STAG2: variants seen among roughly 807,000 people sequenced by gnomAD.
The protein encoded by STAG2 is cohesin subunit SA-2.
In STAG2, 14 loss-of-function variants were observed where a neutral mutation model predicts 108.1. That is an observed-to-expected ratio of 0.13 (90% CI 0.09 to 0.20). The LOEUF (loss-of-function observed/expected upper bound fraction) is 0.20. Ranked by LOEUF, STAG2 falls within the 10% of genes least tolerant of loss-of-function variation. The probability of loss-of-function intolerance (pLI) is 1.00; values close to 1 mark genes in which losing one functional copy is unlikely to be tolerated. For missense variants in STAG2, 440 were observed against 940.9 expected (o/e 0.47, Z 6.96); for synonymous variants, 307 against 302.7 (o/e 1.01, Z -0.15).
chrX:123,984,357 A>G (rs1053612061), intron 1 of STAG2, among the ~76,000 whole-genome samples: 2 of 111,839 alleles, frequency 1.8e-5, no homozygotes, highest in Non-Finnish European at 3.8e-5. Flanking sequence ...TTTGCTGAAA[A>G]TAATCATGCA....
intron 5 of STAG2, among the ~76,000 whole-genome samples, chrX:124,032,413 C>T (rs971476359): frequency 9.0e-6 from 1 of 111,353 alleles, no homozygotes; most frequent in African/African-American, 3.3e-5. Flanking sequence ...AAATACAATA[C>T]TCAAGGAGTA....
chrX:124,025,814 T>A, intron 3 of STAG2, 26 bp from the exon 4 acceptor site: 2 of 1,068,138 alleles, frequency 1.9e-6, no homozygotes, highest in Non-Finnish European at 1.3e-6. Flanking sequence ...TAAGGAAGGG[T>A]TTTAATTCTT....
chrX:124,090,637 G>A lies in STAG2; in HGVS notation c.3340G>A (p.Val1114Ile). 4 of 1,211,088 alleles carry A rather than the reference G, an allele frequency of 3.3e-6. No homozygotes were observed. Among genetic ancestry groups the A allele is most frequent in the Non-Finnish European group, 4.5e-6 (4 of 894,981 alleles). ...LSREQTLHTP[V>I]MMQTPQLTST... ...CAGAGAACAAACACTGCACACCCCT[G>A]TTATGATGCAGACACCACAACTCAC... Residue 1114 changes from valine (V) to isoleucine (I), a missense_variant, in exon 31 of 35, where the codon GTT becomes ATT. This residue lies in a region of STAG2 where 337 missense variants were observed against 649.3 expected (regional missense o/e 0.52). Coordinates refer to ENST00000371145, the MANE Select transcript of STAG2 (RefSeq NM_001042750.2).
At chrX:123,964,298 T>A (rs2053999484) in intron 1 of STAG2, among the ~76,000 whole-genome samples, 1 of 110,902 alleles carries the variant, frequency 9.0e-6, no homozygotes, top group Non-Finnish European at 1.9e-5. Flanking sequence ...ACAGGCAACA[T>A]AAATACTTAT....
At chrX:124,084,165 A>C (rs1026967006) in intron 29 of STAG2, among the ~76,000 whole-genome samples, 3 of 111,607 alleles carry the variant, frequency 2.7e-5, no homozygotes, top group Non-Finnish European at 5.6e-5. Flanking sequence ...GATACCTCAT[A>C]TTGTAAATAA....
chrX:124,086,199 T>C (rs187407851), intron 29 of STAG2, among the ~76,000 whole-genome samples: 1 of 111,887 alleles, frequency 8.9e-6, no homozygotes, highest in Non-Finnish European at 1.9e-5. Flanking sequence ...TGAACGTTAG[T>C]TGAATTTTGA....
At position 124,086,426 on chromosome X, in the gene STAG2, A is replaced by C. The variant is rs955838438; in HGVS notation, c.3054-121A>C. On this transcript the variant is annotated intron_variant, in intron 29 of 34. Transcript: ENST00000371145. Reference sequence around the variant, plus strand: ...AATCTTGGCAGAGACAACATTGTTCATTAATGTCCTGTAAGGCTGAGTTTG... The same window carrying C: ...AATCTTGGCAGAGACAACATTGTTCCTTAATGTCCTGTAAGGCTGAGTTTG... The C allele has an allele frequency of 3.6e-5, 18 of 495,209 alleles. No homozygotes were observed. In the African/African-American group the frequency reaches 4.1e-4, roughly 11 times the overall value. 40.8% of individuals were successfully genotyped at this position (495,209 alleles called of 1,213,427 possible). A position where few individuals can be genotyped will look rare whatever the true frequency, so the allele number is the denominator to read the frequency against.
At chrX:124,070,670 G>A (rs1007264044) in intron 24 of STAG2, among the ~76,000 whole-genome samples, 1 of 111,987 alleles carries the variant, frequency 8.9e-6, no homozygotes, top group African/African-American at 3.2e-5. Context: ...AAGTACCATA[G>A]ATTTTGTGAT....
chrX:123,984,556 A>G (rs2055065916), intron 1 of STAG2, among the ~76,000 whole-genome samples: 1 of 111,848 alleles, frequency 8.9e-6, no homozygotes, highest in Admixed American at 9.5e-5. Context: ...GGTGTCTCTA[A>G]TAGTGCCTGA....
intron 23 of STAG2, among the ~76,000 whole-genome samples, chrX:124,068,015 A>G (rs968379532): frequency 9.3e-6 from 1 of 107,827 alleles, no homozygotes; most frequent in African/African-American, 3.3e-5. Context: ...CAGCCTGGGC[A>G]ATAGAGTGAG....
chrX:124,028,046 A>T (rs1340932889), intron 4 of STAG2, among the ~76,000 whole-genome samples: 1 of 111,599 alleles, frequency 9.0e-6, no homozygotes, highest in East Asian at 2.8e-4. Flanking sequence ...ATACAGCTCC[A>T]TGTTAATTAA....
Position 124,090,740 on chromosome X carries a change from A to G in STAG2, c.3443A>G (p.His1148Arg). The change falls in exon 31 of 35, where the codon CAT (histidine) becomes CGT (arginine). Residue 1148 changes from histidine to arginine, a missense_variant. His to Arg is a conservative substitution (Grantham distance 29). Around this residue, in one of 3 missense-constraint regions of STAG2, gnomAD observed 337 missense variants for 649.3 expected, o/e 0.52. Coordinates refer to ENST00000371145, the MANE Select transcript of STAG2 (RefSeq NM_001042750.2). ...AGTGTTTATCCAATGCAGACTGAAC[A>G]TCATCAAACACCTCTTGATTATAAG... is the stretch of plus-strand genomic sequence containing the variant. Reference protein sequence around the residue: ...FMSVYPMQTEHHQTPLDYNTQ... With the variant: ...FMSVYPMQTERHQTPLDYNTQ... The G allele has an allele frequency of 1.7e-6, 2 of 1,210,678 alleles. No individual in the cohort carries two copies. Among genetic ancestry groups the G allele is most frequent in the Non-Finnish European group, 2.2e-6 (2 of 894,600 alleles).
At chrX:123,987,477 A>G (rs759577563) in intron 1 of STAG2, among the ~76,000 whole-genome samples, 27 of 108,012 alleles carry the variant, frequency 2.5e-4, no homozygotes, top group South Asian at 1.2e-3. Context: ...CAAACTCCTG[A>G]TCTCAGGTGA....
intron 5 of STAG2, among the ~76,000 whole-genome samples, chrX:124,036,451 C>T (rs749664130): frequency 9.0e-6 from 1 of 111,728 alleles, no homozygotes; most frequent in Non-Finnish European, 1.9e-5. Flanking sequence ...GTGGTGCGAC[C>T]TCAGCTCACT....
intron 1 of STAG2, among the ~76,000 whole-genome samples, chrX:123,965,321 T>G (rs771880048): frequency 3.1e-4 from 35 of 112,254 alleles, no homozygotes; most frequent in Non-Finnish European, 5.4e-4. Flanking sequence ...TAACACATGA[T>G]GAGTTTGGTA....
intron 32 of STAG2, among the ~76,000 whole-genome samples, chrX:124,091,920 T>C (rs2059259710): frequency 8.9e-6 from 1 of 112,605 alleles, no homozygotes; most frequent in African/African-American, 3.2e-5. Context: ...CTTCATTAGC[T>C]TTGGCTCTAA....
chrX:124,015,707 G>A (rs1280727997), intron 1 of STAG2, among the ~76,000 whole-genome samples: 1 of 112,207 alleles, frequency 8.9e-6, no homozygotes, highest in Admixed American at 9.5e-5. Flanking sequence ...CATCAAAGGG[G>A]CAGTAGTTTT....
chrX:124,061,986 C>G lies in STAG2; in HGVS notation c.1638+112C>G, dbSNP rs2058393698. The G allele has an allele frequency of 8.4e-6, 5 of 596,588 alleles. No homozygotes were observed. In the Admixed American group the frequency reaches 1.9e-4, roughly 22 times the overall value. The allele number at this position is 596,588 out of a possible 1,213,427, so 49.2% of individuals were successfully genotyped here. ...CAATTTTGTTTTATTTTTCAGACAA[C>G]CTTTGCTTATAAATTTGTTAGAGGT... On this transcript the variant is annotated intron_variant, in intron 17 of 34. Coordinates refer to ENST00000371145, the MANE Select transcript of STAG2 (RefSeq NM_001042750.2).
At chrX:123,981,506 T>C (rs995954535) in intron 1 of STAG2, among the ~76,000 whole-genome samples, 2 of 112,035 alleles carry the variant, frequency 1.8e-5, no homozygotes, top group African/African-American at 6.5e-5. Context: ...GTGAATAATA[T>C]TCCATTGTAT....
Sources: allele counts gnomAD v4.1 joint callset (sites outside exome capture counted in the v4.1 genomes callset), GRCh38; gene constraint gnomAD v4.1.1; regional missense constraint gnomAD v4.1.1; transcripts MANE v1.5; gene names NCBI Gene and HGNC (gene_info 2026-07-23, HGNC 2026-07-21).